HMBOX1: variants seen among roughly 807,000 people sequenced by gnomAD.
HMBOX1 encodes the protein homeobox containing 1.
In HMBOX1, 14 loss-of-function variants were observed where a neutral mutation model predicts 54.5. The observed-to-expected ratio is 0.26, with a 90% CI of 0.17 to 0.40. HMBOX1 has a LOEUF of 0.40. HMBOX1 is among the 10% of genes least tolerant of loss of function. The probability of loss-of-function intolerance (pLI) is 1.00; values close to 1 mark genes in which losing one functional copy is unlikely to be tolerated. For synonymous variants in HMBOX1, 160 were observed against 181.0 expected, an observed-to-expected ratio of 0.88 and a Z score of 0.93; for missense variants, 332 against 514.4, an observed-to-expected ratio of 0.65 and a Z score of 3.43.
At position 28,995,593 on chromosome 8, in the gene HMBOX1, A is replaced by G. The variant is rs150773078; in HGVS notation, c.587-13479A>G. ...CTGCCAAAACTGTTTTCCATTTTAT[A>G]AAACTACCACCAATGTATGACATTT... On this transcript the variant is annotated intron_variant, in intron 4 of 9. Coordinates refer to ENST00000287701, the MANE Select transcript of HMBOX1 (RefSeq NM_001135726.3). 3.0e-3 allele frequency among the ~76,000 whole-genome samples: 450 copies of G among 152,312 alleles called. 2 individuals carry two copies. Among genetic ancestry groups the G allele is most frequent in the South Asian group, 9.7e-3 (47 of 4,826 alleles).
At chr8:28,960,765 CT>C (rs1162477676) in intron 1 of HMBOX1, among the ~76,000 whole-genome samples, 6 of 16,270 alleles carry the variant, frequency 3.7e-4, no homozygotes, top group African/African-American at 8.3e-4. Flanking sequence ...TTTTCTTTTT[CT>C]TTTTTTTTTT....
chr8:28,908,786 T>G (rs1010236779), intron 1 of HMBOX1, among the ~76,000 whole-genome samples: 3 of 151,916 alleles, frequency 2.0e-5, no homozygotes, highest in African/African-American at 4.8e-5. Context: ...CTGGGTTATA[T>G]AGAAGGACTT....
chr8:29,010,941 CAAAT>C (rs1563576771), intron 5 of HMBOX1, among the ~76,000 whole-genome samples: 1 of 152,106 alleles, frequency 6.6e-6, no homozygotes, highest in Non-Finnish European at 1.5e-5. Flanking sequence ...CTTTTATTAT[CAAAT>C]ATCTAATTTC....
chr8:28,999,096 G>A (rs947809561), intron 4 of HMBOX1, among the ~76,000 whole-genome samples: 5 of 152,080 alleles, frequency 3.3e-5, no homozygotes, highest in African/African-American at 9.7e-5. Context: ...TTCTTCAGGT[G>A]TATTTGAGTT....
chr8:29,035,663 C>T (rs1023550787), intron 6 of HMBOX1, among the ~76,000 whole-genome samples: 4 of 152,198 alleles, frequency 2.6e-5, no homozygotes, highest in East Asian at 1.9e-4. Flanking sequence ...CACATTTGGT[C>T]GTTTCATTAG....
intron 4 of HMBOX1, among the ~76,000 whole-genome samples, chr8:28,982,490 G>A (rs535865440): frequency 6.6e-6 from 1 of 151,896 alleles, no homozygotes; most frequent in Non-Finnish European, 1.5e-5. Flanking sequence ...CTCTGTTCCC[G>A]AGGCTGGAGT....
intron 1 of HMBOX1, among the ~76,000 whole-genome samples, chr8:28,896,705 A>G (rs1206398358): frequency 1.3e-5 from 2 of 152,144 alleles, no homozygotes; most frequent in African/African-American, 4.8e-5. Context: ...TTAATACAGT[A>G]ACATGCTGTA....
intron 4 of HMBOX1, among the ~76,000 whole-genome samples, chr8:28,983,280 C>T (rs1393615903): frequency 1.3e-5 from 2 of 152,104 alleles, no homozygotes; most frequent in African/African-American, 4.8e-5. Flanking sequence ...AATCTGACTC[C>T]AGCCTTTTCG....
chr8:29,037,612 T>C (rs28673716), intron 6 of HMBOX1, among the ~76,000 whole-genome samples: 3,830 of 152,304 alleles, frequency 0.025, 158 homozygotes, highest in African/African-American at 0.088. Flanking sequence ...CAAAAGATGG[T>C]TATGCCAGAT....
At chr8:28,969,541 CAAA>C (rs3840683) in intron 2 of HMBOX1, among the ~76,000 whole-genome samples, 61,195 of 151,504 alleles carry the variant, frequency 0.4, 14,266 homozygotes, top group Non-Finnish European at 0.53. Flanking sequence ...CTTAGCTTAG[CAAA>C]TCATTTGTTC....
At chr8:28,979,717 T>C (rs751263554) in intron 3 of HMBOX1, among the ~76,000 whole-genome samples, 3 of 152,246 alleles carry the variant, frequency 2.0e-5, no homozygotes, top group Non-Finnish European at 2.9e-5. Flanking sequence ...AGGATTTCTG[T>C]CTGTGTAAGA....
intron 9 of HMBOX1, chr8:29,050,765 T>C (rs1806332247): frequency 2.1e-6 from 1 of 470,136 alleles, no homozygotes. Context: ...ATTAATAGAA[T>C]GAATAGAATT....
chr8:29,038,486 A>G (rs1348486245), intron 6 of HMBOX1, among the ~76,000 whole-genome samples: 1 of 152,216 alleles, frequency 6.6e-6, no homozygotes, highest in East Asian at 1.9e-4. Context: ...TGAGCTCCAG[A>G]GTTTCATTTC....
intron 1 of HMBOX1, among the ~76,000 whole-genome samples, chr8:28,895,396 C>G (rs1053111176): frequency 3.9e-5 from 6 of 152,108 alleles, no homozygotes; most frequent in Non-Finnish European, 5.9e-5. Flanking sequence ...TAATATAGGC[C>G]AGGCATGGTG....
intron 4 of HMBOX1, among the ~76,000 whole-genome samples, chr8:29,001,835 A>G (rs1260757011): frequency 2.0e-5 from 3 of 152,196 alleles, no homozygotes; most frequent in Non-Finnish European, 4.4e-5. Flanking sequence ...GTAAATCTTA[A>G]ATCTTTAAAT....
At chr8:29,047,556 T>G in intron 8 of HMBOX1, 103 bp downstream of exon 8, 6 of 516,380 alleles carry the variant, frequency 1.2e-5, no homozygotes, top group Non-Finnish European at 2.1e-5. Context: ...TAAAGGATCC[T>G]AACTTCTCTT....
In HMBOX1 at chr8:28,890,475, G is replaced by A. The variant is rs1810664672; in HGVS notation, c.-261G>A. ...TGAGACAAGGGAGGTTTTTCAGGGG[G>A]AGACTGGGAGATAGGGGCCTCCCCT... On this transcript the variant is annotated 5_prime_UTR_variant, in exon 1 of 10. Coordinates refer to ENST00000287701, the MANE Select transcript of HMBOX1 (RefSeq NM_001135726.3). The A allele has an allele frequency of 1.3e-5, 2 of 153,156 alleles. No homozygotes were observed. The highest frequency in any genetic ancestry group is 2.4e-5 in the African/African-American group (1 of 41,452). 9.5% of individuals were successfully genotyped at this position (153,156 alleles called of 1,614,324 possible).
At chr8:28,928,727 A>G (rs750615938) in intron 1 of HMBOX1, among the ~76,000 whole-genome samples, 34 of 152,356 alleles carry the variant, frequency 2.2e-4, no homozygotes, top group African/African-American at 5.1e-4. Context: ...AATAAGGATA[A>G]CTTTCTATTT....
chr8:29,023,042 AT>A (rs371662649), intron 6 of HMBOX1, among the ~76,000 whole-genome samples: 96 of 152,212 alleles, frequency 6.3e-4, no homozygotes, highest in African/African-American at 1.9e-3. Context: ...CACCAAAAAA[AT>A]CTTACACTGT....
Sources: allele counts gnomAD v4.1 joint callset (sites outside exome capture counted in the v4.1 genomes callset), GRCh38; gene constraint gnomAD v4.1.1; transcripts MANE v1.5; gene names NCBI Gene and HGNC (gene_info 2026-07-23, HGNC 2026-07-21).